Variants in ZC3H12B observed in about 807,000 individuals in gnomAD.
The protein encoded by ZC3H12B is zinc finger CCCH-type containing 12B.
A neutral mutation model predicts 43.9 loss-of-function variants in ZC3H12B; 7 were observed. The ratio of observed to expected loss-of-function variants is 0.16; its 90% CI spans 0.09 to 0.30. The LOEUF is 0.30. ZC3H12B is among the 10% of genes least tolerant of loss of function. The pLI is 1.00. For missense variants in ZC3H12B, 475 were observed against 670.2 expected (o/e 0.71, Z 3.22); for synonymous variants, 222 against 241.7 (o/e 0.92, Z 0.76).
chrX:65,066,354 G>A, the ZC3H12B span, among the ~76,000 whole-genome samples: 838 of 111,602 alleles, frequency 7.5e-3, 6 homozygotes, highest in Non-Finnish European at 0.012. Flanking sequence ...TGATGTTGAT[G>A]TTATTCCTTT....
chrX:65,380,333 G>A lies in ZC3H12B; in HGVS notation n.295+11335G>A, dbSNP rs892930620. Among the ~76,000 whole-genome samples the A allele has an allele frequency of 3.2e-4, 35 of 107,804 alleles. 1 individual carries two copies. Among genetic ancestry groups the A allele is most frequent in the Non-Finnish European group, 5.2e-4 (27 of 51,788 alleles). 93.6% of individuals were successfully genotyped at this position (107,804 alleles called of 115,157 possible). On this transcript the variant is annotated intron_variant and non_coding_transcript_variant, in intron 2 of 5. Transcript: ENST00000617377. ...TTCTTAAAGAAAAGAATTTTCAACC[G>A]AGAATTTCATATCCAGCCAAACTAA...
chrX:65,120,321 A>G, the ZC3H12B span, among the ~76,000 whole-genome samples: 1 of 110,858 alleles, frequency 9.0e-6, no homozygotes, highest in African/African-American at 3.3e-5. Context: ...CTTTTATTTC[A>G]TTGAGCAGAG....
chrX:65,112,284 G>T, the ZC3H12B span, among the ~76,000 whole-genome samples: 1 of 112,173 alleles, frequency 8.9e-6, no homozygotes, highest in Admixed American at 9.4e-5. Context: ...GCTACCAGAA[G>T]TTGGTTCATG....
the ZC3H12B span, among the ~76,000 whole-genome samples, chrX:65,349,069 T>C: frequency 8.9e-6 from 1 of 111,791 alleles, no homozygotes; most frequent in East Asian, 2.8e-4. Flanking sequence ...GAATATACAA[T>C]CTTCTCAGTA....
At chrX:65,063,420 A>G in the ZC3H12B span, among the ~76,000 whole-genome samples, 1 of 112,105 alleles carries the variant, frequency 8.9e-6, no homozygotes, top group Non-Finnish European at 1.9e-5. Flanking sequence ...TGAGATAATC[A>G]TGAGGTTTTG....
intron 3 of ZC3H12B, among the ~76,000 whole-genome samples, chrX:65,407,437 G>C (rs1457702166): frequency 8.9e-6 from 1 of 112,964 alleles, no homozygotes; most frequent in Non-Finnish European, 1.9e-5. Context: ...CTCGCTCCCC[G>C]GCCAGGAGCC....
chrX:65,154,064 A>T, the ZC3H12B span, among the ~76,000 whole-genome samples: 1 of 109,456 alleles, frequency 9.1e-6, no homozygotes, highest in South Asian at 4.0e-4. Flanking sequence ...GGAATATCAC[A>T]CTCTGGGGAC....
the ZC3H12B span, among the ~76,000 whole-genome samples, chrX:65,150,725 C>CT: frequency 1.3e-4 from 15 of 111,891 alleles, no homozygotes; most frequent in Non-Finnish European, 1.5e-4. Context: ...ACCACACAGG[C>CT]TTTTTTATTT....
chrX:65,447,123 A>T (rs758941132), intron 3 of ZC3H12B, among the ~76,000 whole-genome samples: 23 of 109,743 alleles, frequency 2.1e-4, no homozygotes, highest in Non-Finnish European at 3.6e-4. Flanking sequence ...TCCCAATCTA[A>T]TCTCCCTCTT....
chrX:65,268,167 G>A, the ZC3H12B span, among the ~76,000 whole-genome samples: 1 of 111,642 alleles, frequency 9.0e-6, no homozygotes, highest in Non-Finnish European at 1.9e-5. Flanking sequence ...TAACCTAGAG[G>A]AAACAAATAA....
the ZC3H12B span, among the ~76,000 whole-genome samples, chrX:65,314,038 G>A: frequency 9.0e-6 from 1 of 111,398 alleles, no homozygotes; most frequent in Non-Finnish European, 1.9e-5. Flanking sequence ...AAAAACTACT[G>A]GATGAAATCA....
the ZC3H12B span, among the ~76,000 whole-genome samples, chrX:65,119,435 G>A: frequency 1.8e-5 from 2 of 112,120 alleles, no homozygotes; most frequent in South Asian, 7.4e-4. Flanking sequence ...TCTGTTGGCT[G>A]CATAAATGTC....
chrX:65,141,247 T>A, the ZC3H12B span, among the ~76,000 whole-genome samples: 1 of 110,814 alleles, frequency 9.0e-6, no homozygotes, highest in African/African-American at 3.3e-5. Context: ...GTATGTTGCA[T>A]GTCAATTTTC....
chrX:65,450,477 G>GTA (rs375981768), intron 3 of ZC3H12B, among the ~76,000 whole-genome samples: 12 of 181 alleles, frequency 0.066, 2 homozygotes, highest in Non-Finnish European at 0.41. Context: ...GTGTATATAT[G>GTA]TATATGTATA....
the ZC3H12B span, among the ~76,000 whole-genome samples, chrX:65,350,012 C>T: frequency 1.8e-5 from 2 of 111,825 alleles, no homozygotes; most frequent in South Asian, 3.8e-4. Context: ...TTTTATGAAG[C>T]CAGCATCATC....
chrX:65,109,411 T>C, the ZC3H12B span, among the ~76,000 whole-genome samples: 2 of 112,011 alleles, frequency 1.8e-5, no homozygotes, highest in African/African-American at 6.5e-5. Flanking sequence ...TTAACAGCTT[T>C]GTCTATTCTG....
At chrX:65,101,210 A>G in the ZC3H12B span, among the ~76,000 whole-genome samples, 1 of 112,346 alleles carries the variant, frequency 8.9e-6, no homozygotes, top group East Asian at 2.8e-4. Context: ...GAACAAAGAT[A>G]CAATGTACCA....
At chrX:65,329,357 G>C in the ZC3H12B span, among the ~76,000 whole-genome samples, 1 of 110,987 alleles carries the variant, frequency 9.0e-6, no homozygotes, top group Non-Finnish European at 1.9e-5. Flanking sequence ...CTTTTGAGAA[G>C]TGTCTGTTCA....
At chrX:65,081,599 A>G in the ZC3H12B span, among the ~76,000 whole-genome samples, 5 of 112,049 alleles carry the variant, frequency 4.5e-5, no homozygotes, top group Admixed American at 4.7e-4. Context: ...TAAAGTATAT[A>G]TGCACCCAAC....
Sources: allele counts gnomAD v4.1 joint callset (sites outside exome capture counted in the v4.1 genomes callset), GRCh38; gene constraint gnomAD v4.1.1; transcripts MANE v1.5; gene names NCBI Gene and HGNC (gene_info 2026-07-23, HGNC 2026-07-21).